The following LHFPL3 variants were observed in gnomAD, a reference collection of about 807,000 sequenced individuals.
LHFPL3 encodes the protein LHFPL tetraspan subfamily member 3 protein.
A neutral mutation model predicts 19.3 loss-of-function variants in LHFPL3; 5 were observed. That is an observed-to-expected ratio of 0.26 (90% confidence interval 0.14 to 0.54). LHFPL3 has a LOEUF of 0.54. Ranked by LOEUF, LHFPL3 falls within the 20% of genes least tolerant of loss-of-function variation. The pLI is 0.94. For synonymous variants in LHFPL3, 133 were observed against 126.2 expected, an observed-to-expected ratio of 1.05 and a Z score of -0.36; for missense variants, 249 against 307.4, an observed-to-expected ratio of 0.81 and a Z score of 1.42.
rs557121322 is a variant in LHFPL3 at position 104,863,011 on chromosome 7, G to A, written c.683-43176G>A. ...ACCTTATGCTATCTCAGATGTGGAC[G>A]GCAGAGCCCAGTTACACAGAGCTGG... On this transcript the variant is annotated intron_variant, in intron 2 of 2. Coordinates refer to ENST00000424859, the MANE Select transcript of LHFPL3 (RefSeq NM_199000.3). Among the ~76,000 whole-genome samples the A allele has an allele frequency of 1.8e-4, 27 of 152,252 alleles. No individual in the cohort carries two copies. The South Asian group carries it at 5.0e-3, about 28-fold the overall frequency.
chr7:104,520,406 C>A (rs1186593867), intron 1 of LHFPL3, among the ~76,000 whole-genome samples: 1 of 146,924 alleles, frequency 6.8e-6, no homozygotes, highest in South Asian at 2.2e-4. Flanking sequence ...GTCTAAAATT[C>A]TCTTTTTTTG....
chr7:104,768,515 A>G (rs1794498193), intron 2 of LHFPL3, among the ~76,000 whole-genome samples: 1 of 152,128 alleles, frequency 6.6e-6, no homozygotes, highest in Non-Finnish European at 1.5e-5. Flanking sequence ...AATGCAGGGA[A>G]TTTCTAAGGA....
Position 104,717,541 on chromosome 7 carries a change from G to C in LHFPL3, c.446-19134G>C, listed in dbSNP as rs146108223. ...AAAGAAGACATACAAGTGGCCAATGGGTATATAAAAATATGCCCAATGTCA... is the reference window on the plus strand; with the variant it reads ...AAAGAAGACATACAAGTGGCCAATGCGTATATAAAAATATGCCCAATGTCA... On this transcript the variant is annotated intron_variant, in intron 1 of 2. Coordinates refer to ENST00000424859, the MANE Select transcript of LHFPL3 (RefSeq NM_199000.3). Among the ~76,000 whole-genome samples, 100 of 152,056 alleles carry C rather than the reference G, an allele frequency of 6.6e-4. 1 individual carries two copies. Among genetic ancestry groups the C allele is most frequent in the Non-Finnish European group, 1.2e-3 (80 of 67,954 alleles).
intron 1 of LHFPL3, among the ~76,000 whole-genome samples, chr7:104,571,643 G>C (rs965965051): frequency 6.6e-6 from 1 of 152,160 alleles, no homozygotes; most frequent in African/African-American, 2.4e-5. Context: ...ACAAAAACCT[G>C]CTTCCCTGTT....
At chr7:104,877,587 C>T (rs1791971504) in intron 2 of LHFPL3, among the ~76,000 whole-genome samples, 1 of 152,132 alleles carries the variant, frequency 6.6e-6, no homozygotes, top group Admixed American at 6.5e-5. Context: ...TTCCCATCCA[C>T]TAGGATGGCT....
At chr7:104,419,671 TGAGAGAAG>T (rs1213090534) in intron 1 of LHFPL3, among the ~76,000 whole-genome samples, 1 of 152,118 alleles carries the variant, frequency 6.6e-6, no homozygotes, top group Non-Finnish European at 1.5e-5. Flanking sequence ...AACTAGAACT[TGAGAGAAG>T]GATGAAGCCA....
chr7:104,519,699 C>T lies in LHFPL3; in HGVS notation c.445+190475C>T, dbSNP rs188137049. 5.3e-5 allele frequency among the ~76,000 whole-genome samples: 8 copies of T among 152,120 alleles called. No homozygotes were observed. In the East Asian group the frequency reaches 9.7e-4, roughly 18 times the overall value. ...TCTGCTGAACAGGACCAGGTCATGG[C>T]GTTAATGACTGTTTTGACTATTAAC... On this transcript the variant is annotated intron_variant, in intron 1 of 2. Coordinates refer to ENST00000424859, the MANE Select transcript of LHFPL3 (RefSeq NM_199000.3).
At chr7:104,562,954 G>A (rs1357474885) in intron 1 of LHFPL3, among the ~76,000 whole-genome samples, 1 of 152,198 alleles carries the variant, frequency 6.6e-6, no homozygotes, top group Non-Finnish European at 1.5e-5. Context: ...TGAGGTGTCA[G>A]TGTGCCTCTG....
chr7:104,457,176 A>T (rs560521724), intron 1 of LHFPL3, among the ~76,000 whole-genome samples: 6 of 152,144 alleles, frequency 3.9e-5, no homozygotes, highest in East Asian at 1.9e-4. Flanking sequence ...TGTGCAGGTT[A>T]GTTACATATG....
intron 2 of LHFPL3, among the ~76,000 whole-genome samples, chr7:104,838,666 G>A (rs770094101): frequency 1.1e-4 from 16 of 152,302 alleles, no homozygotes; most frequent in Non-Finnish European, 1.6e-4. Flanking sequence ...AAACAGTGAC[G>A]GAAATGTTCT....
intron 1 of LHFPL3, among the ~76,000 whole-genome samples, chr7:104,478,913 G>A (rs1205471706): frequency 6.6e-6 from 1 of 152,192 alleles, no homozygotes; most frequent in Non-Finnish European, 1.5e-5. Flanking sequence ...CAATTTAGGG[G>A]ACAAGAATCT....
chr7:104,901,579 T>C (rs1792485734), intron 2 of LHFPL3, among the ~76,000 whole-genome samples: 1 of 152,128 alleles, frequency 6.6e-6, no homozygotes, highest in Admixed American at 6.5e-5. Flanking sequence ...GTTTGTTTGC[T>C]TGTTTTTTGA....
intron 1 of LHFPL3, among the ~76,000 whole-genome samples, chr7:104,547,267 A>AG (rs1232036506): frequency 4.0e-5 from 1 of 25,194 alleles, no homozygotes; most frequent in East Asian, 8.9e-4. Flanking sequence ...AAAAAAAAAA[A>AG]AAAGAAATAG....
At chr7:104,685,519 C>T (rs916673526) in intron 1 of LHFPL3, among the ~76,000 whole-genome samples, 16 of 152,290 alleles carry the variant, frequency 1.1e-4, no homozygotes, top group East Asian at 1.9e-4. Context: ...CCCTCTTCCA[C>T]GTGGTCTCCT....
At chr7:104,653,176 C>G (rs538601203) in intron 1 of LHFPL3, among the ~76,000 whole-genome samples, 1 of 152,186 alleles carries the variant, frequency 6.6e-6, no homozygotes, top group Non-Finnish European at 1.5e-5. Context: ...AGTTGGGGTA[C>G]ATGAAATCGT....
At chr7:104,419,143 G>A (rs147579586) in intron 1 of LHFPL3, among the ~76,000 whole-genome samples, 31 of 152,294 alleles carry the variant, frequency 2.0e-4, no homozygotes, top group African/African-American at 7.5e-4. Context: ...ACGTAAGTTG[G>A]AGATTGATGA....
intron 2 of LHFPL3, among the ~76,000 whole-genome samples, chr7:104,805,032 T>C (rs1790329024): frequency 6.6e-6 from 1 of 152,230 alleles, no homozygotes; most frequent in Non-Finnish European, 1.5e-5. Context: ...CAGCACCCAG[T>C]GCCAATCTGG....
At chr7:104,769,731 T>C (rs1011996773) in intron 2 of LHFPL3, among the ~76,000 whole-genome samples, 2 of 152,066 alleles carry the variant, frequency 1.3e-5, no homozygotes, top group Non-Finnish European at 2.9e-5. Context: ...GTTCTTGTGA[T>C]AGTTTGTTGA....
intron 1 of LHFPL3, among the ~76,000 whole-genome samples, chr7:104,620,853 G>A (rs1016669910): frequency 1.3e-5 from 2 of 152,204 alleles, no homozygotes; most frequent in Non-Finnish European, 2.9e-5. Context: ...GTGCTCTGCA[G>A]ACAAAGGTGT....
Sources: gnomAD v4.1 joint callset for allele counts (sites outside exome capture counted in the v4.1 genomes callset) on GRCh38, gnomAD v4.1.1 for gene constraint, MANE v1.5 for transcripts, NCBI Gene and HGNC (gene_info 2026-07-23, HGNC 2026-07-21) for gene names.